The following RIPOR3 variants were observed in gnomAD, a reference collection of about 807,000 sequenced individuals.
RIPOR3 encodes the protein RIPOR family member 3, also known as family with sequence similarity 65 member C.
A neutral mutation model predicts 114.3 loss-of-function variants in RIPOR3; 95 were observed. That is an observed-to-expected ratio of 0.83 (90% confidence interval 0.70 to 0.99). RIPOR3 has a LOEUF of 0.99. Ranked by LOEUF, RIPOR3 falls within the 50% of genes least tolerant of loss-of-function variation. RIPOR3 has a pLI of 0.00. For missense variants in RIPOR3, 1,252 were observed against 1,266.9 expected (o/e 0.99, Z 0.18); for synonymous variants, 575 against 543.8 (o/e 1.06, Z -0.80).
At chr20:50,682,010 G>C (rs2086876545) in intron 1 of RIPOR3, among the ~76,000 whole-genome samples, 1 of 152,208 alleles carries the variant, frequency 6.6e-6, no homozygotes, top group Admixed American at 6.5e-5. Context: ...GTAGAGGGTG[G>C]CTTGTGAATT....
At position 50,587,371 on chromosome 20, in the gene RIPOR3, G is replaced by A. The variant is rs377231582; in HGVS notation, c.2753-39C>T. 7 of 1,564,586 alleles carry A rather than the reference G, an allele frequency of 4.5e-6. No homozygotes were observed. In the African/African-American group the frequency reaches 6.8e-5, roughly 15 times the overall value. On this transcript the variant is annotated intron_variant, in intron 21 of 21. Coordinates refer to ENST00000327979, the MANE Select transcript of RIPOR3 (RefSeq NM_001290268.2). ...GGGACCTGTCAGCGGGTTGGATCCT[G>A]CCTTGGCACTTCCAACTCTCCTGGG...
At chr20:50,662,515 A>C (rs1240679450) in intron 1 of RIPOR3, among the ~76,000 whole-genome samples, 2 of 152,066 alleles carry the variant, frequency 1.3e-5, no homozygotes, top group African/African-American at 4.8e-5. Flanking sequence ...CATCCCTCCC[A>C]TGGGGAGTTG....
intron 11 of RIPOR3, among the ~76,000 whole-genome samples, chr20:50,606,282 G>A (rs2083712080): frequency 6.6e-6 from 1 of 152,278 alleles, no homozygotes; most frequent in South Asian, 2.1e-4. Context: ...GACAGTGACT[G>A]TGAGCAGGAG....
In RIPOR3 at chr20:50,691,176, C is replaced by G; in HGVS notation, c.-48G>C. On this transcript the variant is annotated 5_prime_UTR_variant, in exon 1 of 22. Coordinates refer to ENST00000327979, the MANE Select transcript of RIPOR3 (RefSeq NM_001290268.2). Reference sequence around the variant, plus strand: ...TGCAGTCCCGCCGCCCTCCTTGCAGCTGCCTCACTTTCCCTATTGCCGCCA... The same window carrying G: ...TGCAGTCCCGCCGCCCTCCTTGCAGGTGCCTCACTTTCCCTATTGCCGCCA... 1 of 1,289,456 alleles carries G rather than the reference C, an allele frequency of 7.8e-7. No individual in the cohort carries two copies. Among genetic ancestry groups the G allele is most frequent in the Non-Finnish European group, 1.0e-6 (1 of 988,866 alleles). 79.9% of individuals were successfully genotyped at this position (1,289,456 alleles called of 1,614,324 possible). A position where few individuals can be genotyped will look rare whatever the true frequency, so the allele number is the denominator to read the frequency against.
intron 1 of RIPOR3, among the ~76,000 whole-genome samples, chr20:50,666,221 T>TCCTTTCCTTTCCTTTCCTTTCCTTTC: frequency 7.7e-6 from 1 of 130,320 alleles, no homozygotes; most frequent in African/African-American, 3.0e-5. Flanking sequence ...TCTTTTCTTT[T>TCCTTTCCTTTCCTTTCCTTTCCTTTC]CTTTTTTGAG....
In RIPOR3 at chr20:50,597,580, C is replaced by T. The variant is rs955610605; in HGVS notation, c.1790G>A (p.Arg597Gln). The T allele has an allele frequency of 7.5e-6, 12 of 1,603,380 alleles. No individual in the cohort carries two copies. In the South Asian group the frequency reaches 7.9e-5, roughly 10 times the overall value. ...CACTGCTGGAAGGAGGTGCACTCAC[C>T]GGAGACCCTGGGAGCCCCCAAACAG... ...LSLFGGSQGL[R>Q]KDRPLPPPSS... The change falls in exon 14 of 22, where the codon CGA becomes CAA. Residue 597 changes from arginine to glutamine, a missense_variant and splice_region_variant. Arg to Gln is a conservative substitution (Grantham distance 43). Transcript: ENST00000327979.
Position 50,596,128 on chromosome 20 carries a change from T to TA in RIPOR3, c.1914+11dup. ...GTCTGCCCCTCCCTGACAAGTCCCC[T>TA]AGCCCAGCCACCTGCAGCAGAGCTT... On this transcript the variant is annotated intron_variant, in intron 15 of 21. Transcript: ENST00000327979. 6 of 1,614,052 alleles carry TA rather than the reference T, an allele frequency of 3.7e-6. No individual in the cohort carries two copies. The highest frequency in any genetic ancestry group is 4.2e-6 in the Non-Finnish European group (5 of 1,179,996).
intron 1 of RIPOR3, among the ~76,000 whole-genome samples, chr20:50,643,124 CTT>C (rs34994340): frequency 2.2e-4 from 31 of 139,408 alleles, no homozygotes; most frequent in African/African-American, 3.1e-4. Context: ...AATCTCAGCA[CTT>C]TTTTTTTTTT....
chr20:50,630,911 C>A, intron 1 of RIPOR3, 55 bp from the exon 2 acceptor site: 1 of 1,425,588 alleles, frequency 7.0e-7, no homozygotes, highest in South Asian at 1.2e-5. Context: ...CGAGTGCCGT[C>A]CGCAGGCCAG....
intron 1 of RIPOR3, among the ~76,000 whole-genome samples, chr20:50,648,555 G>A (rs534946782): frequency 2.0e-4 from 30 of 152,082 alleles, no homozygotes; most frequent in African/African-American, 6.5e-4. Flanking sequence ...TGATTCAAGT[G>A]CATTACATTC....
chr20:50,616,909 G>A (rs890301339), intron 3 of RIPOR3, among the ~76,000 whole-genome samples: 4 of 152,182 alleles, frequency 2.6e-5, no homozygotes, highest in Admixed American at 6.5e-5. Flanking sequence ...TTGGGAGGCC[G>A]AGGTGGGCGG....
intron 1 of RIPOR3, among the ~76,000 whole-genome samples, chr20:50,690,256 T>C (rs926254553): frequency 2.0e-5 from 3 of 152,238 alleles, no homozygotes; most frequent in African/African-American, 7.2e-5. Flanking sequence ...CAAAACCTAG[T>C]TGAGGCATAT....
At chr20:50,657,717 T>G (rs1396353692) in intron 1 of RIPOR3, among the ~76,000 whole-genome samples, 1 of 151,754 alleles carries the variant, frequency 6.6e-6, no homozygotes, top group African/African-American at 2.4e-5. Context: ...GAGTGTTTAC[T>G]ACATGCCAAG....
At chr20:50,618,089 C>T (rs892763799) in intron 3 of RIPOR3, among the ~76,000 whole-genome samples, 10 of 151,636 alleles carry the variant, frequency 6.6e-5, no homozygotes, top group Non-Finnish European at 1.0e-4. Flanking sequence ...TATGGTGAAA[C>T]CACGTTCTAT....
intron 1 of RIPOR3, among the ~76,000 whole-genome samples, chr20:50,680,353 G>A (rs926138136): frequency 1.3e-5 from 2 of 152,212 alleles, no homozygotes; most frequent in African/African-American, 2.4e-5. Flanking sequence ...CGGGTTTCAC[G>A]GTTGGGGGTG....
intron 1 of RIPOR3, among the ~76,000 whole-genome samples, chr20:50,686,592 TACA>T (rs1600784298): frequency 1.3e-5 from 2 of 151,612 alleles, no homozygotes; most frequent in East Asian, 1.9e-4. Flanking sequence ...CTACTAAAAA[TACA>T]ACAATTAGCC....
At chr20:50,604,822 A>G (rs1397851157) in intron 11 of RIPOR3, 48 bp from the exon 12 acceptor site, 1 of 1,594,114 alleles carries the variant, frequency 6.3e-7, no homozygotes, top group East Asian at 2.3e-5. Flanking sequence ...CCCAGAGGCC[A>G]TTTCAGGCCC....
intron 3 of RIPOR3, among the ~76,000 whole-genome samples, chr20:50,618,824 C>T (rs756656305): frequency 1.3e-5 from 2 of 152,166 alleles, no homozygotes; most frequent in Non-Finnish European, 2.9e-5. Flanking sequence ...GTCTGTAATC[C>T]CAGCACTTTG....
At chr20:50,629,555 C>T (rs73908797) in intron 2 of RIPOR3, among the ~76,000 whole-genome samples, 2,138 of 152,254 alleles carry the variant, frequency 0.014, 57 homozygotes, top group African/African-American at 0.046. Context: ...GACGGGGCAG[C>T]AGGCAGGGCC....
Sources: gnomAD v4.1 joint callset for allele counts (sites outside exome capture counted in the v4.1 genomes callset) on GRCh38, gnomAD v4.1.1 for gene constraint, MANE v1.5 for transcripts, NCBI Gene and HGNC (gene_info 2026-07-23, HGNC 2026-07-21) for gene names.